The following PIEZO2 variants were observed in gnomAD, a reference collection of about 807,000 sequenced individuals.
PIEZO2 encodes the protein piezo-type mechanosensitive ion channel component 2.
Under a neutral mutation model 337.3 loss-of-function variants are expected in PIEZO2, and 172 were observed. The ratio of observed to expected loss-of-function variants is 0.51; its 90% CI spans 0.45 to 0.58. PIEZO2 has a LOEUF of 0.58. Among genes scored for constraint, PIEZO2 ranks in the 20% least tolerant of loss-of-function variants. The pLI, the probability that PIEZO2 is intolerant of heterozygous loss-of-function variation, is 0.00. For synonymous variants in PIEZO2, 1,251 were observed against 1,228.5 expected, an observed-to-expected ratio of 1.02 and a Z score of -0.38; for missense variants, 3,028 against 3,391.3, an observed-to-expected ratio of 0.89 and a Z score of 2.66.
chr18:11,003,131 G>C lies in PIEZO2; in HGVS notation c.161-23471C>G, dbSNP rs2035605747. Reference sequence around the variant, plus strand: ...TCCCAGGTCTTCCTCCAGCAGGCAGGATGGCACTTGGAGTCTGGGTGATGC... The same window carrying C: ...TCCCAGGTCTTCCTCCAGCAGGCAGCATGGCACTTGGAGTCTGGGTGATGC... On this transcript the variant is annotated intron_variant, in intron 2 of 55. Transcript: ENST00000674853. This position sits in a 1 kb window ranked among gnomAD's most constrained non-coding sequence, Gnocchi z 4.6. Among the ~76,000 whole-genome samples the C allele has an allele frequency of 6.6e-6, 1 of 152,214 alleles. No individual in the cohort carries two copies. Among genetic ancestry groups the C allele is most frequent in the African/African-American group, 2.4e-5 (1 of 41,458 alleles).
chr18:11,085,170 C>T (rs184085987), intron 1 of PIEZO2, among the ~76,000 whole-genome samples: 40 of 152,274 alleles, frequency 2.6e-4, no homozygotes, highest in Admixed American at 3.9e-4. Context: ...CAAGTATTAT[C>T]GGCAGCTAGA....
Position 10,962,436 on chromosome 18 carries a change from T to C in PIEZO2, c.286+17099A>G, listed in dbSNP as rs1214425502. ...CCTGTGAGGGGACAACCCTAAAGCC[T>C]GGGATCCCAGGAGCTGCACGCAGGG... On this transcript the variant is annotated intron_variant, in intron 3 of 55. Coordinates refer to ENST00000674853, the MANE Select transcript of PIEZO2 (RefSeq NM_001378183.1). This position sits in a 1 kb window ranked among gnomAD's most constrained non-coding sequence, Gnocchi z 4.1. Among the ~76,000 whole-genome samples, 1 of 152,150 alleles carries C rather than the reference T, an allele frequency of 6.6e-6. No individual in the cohort carries two copies. Among genetic ancestry groups the C allele is most frequent in the Non-Finnish European group, 1.5e-5 (1 of 68,028 alleles).
At chr18:11,007,928 A>G (rs556549758) in intron 2 of PIEZO2, among the ~76,000 whole-genome samples, 1 of 152,222 alleles carries the variant, frequency 6.6e-6, no homozygotes, top group South Asian at 2.1e-4. Flanking sequence ...AAAGAAGAGC[A>G]CAGAAATGAC....
In PIEZO2 at chr18:11,035,113, G is replaced by C. The variant is rs1384847470; in HGVS notation, c.160+31014C>G. ...ATTTATTACAGAGTGTGTAGAAGGGGATGGAGCTGAGGGCTGCTTCTGACT... is the reference window on the plus strand; with the variant it reads ...ATTTATTACAGAGTGTGTAGAAGGGCATGGAGCTGAGGGCTGCTTCTGACT... On this transcript the variant is annotated intron_variant, in intron 2 of 55. Transcript: ENST00000674853. This position sits in a 1 kb window ranked among gnomAD's most constrained non-coding sequence, Gnocchi z 4.3. 6.6e-6 allele frequency among the ~76,000 whole-genome samples: 1 copy of C among 152,182 alleles called. No homozygotes were observed. Among genetic ancestry groups the C allele is most frequent in the African/African-American group, 2.4e-5 (1 of 41,440 alleles).
chr18:10,902,573 A>C (rs187813653), intron 4 of PIEZO2, among the ~76,000 whole-genome samples: 1 of 152,276 alleles, frequency 6.6e-6, no homozygotes, highest in Admixed American at 6.5e-5. Flanking sequence ...CCTCCCAAAA[A>C]CGTATGAGCC....
intron 2 of PIEZO2, among the ~76,000 whole-genome samples, chr18:11,044,988 A>T (rs896740688): frequency 4.0e-5 from 6 of 151,546 alleles, no homozygotes; most frequent in Admixed American, 2.0e-4. Flanking sequence ...ATTTCTAAAA[A>T]TTTTTTTTAA....
intron 7 of PIEZO2, among the ~76,000 whole-genome samples, chr18:10,842,857 C>A (rs1488844517): frequency 1.3e-5 from 2 of 152,190 alleles, no homozygotes; most frequent in African/African-American, 4.8e-5. Context: ...CAATGAGTAA[C>A]AAGCAAGTTT....
At chr18:10,909,711 TTGTGTA>T (rs1387057004) in intron 4 of PIEZO2, among the ~76,000 whole-genome samples, 1 of 152,224 alleles carries the variant, frequency 6.6e-6, no homozygotes, top group Non-Finnish European at 1.5e-5. Flanking sequence ...ATCTCTATTT[TTGTGTA>T]TGTTTTAGAT....
intron 1 of PIEZO2, among the ~76,000 whole-genome samples, chr18:11,071,708 A>T (rs765026376): frequency 7.2e-5 from 11 of 152,292 alleles, no homozygotes; most frequent in Non-Finnish European, 1.2e-4. Context: ...CAATTCCCAT[A>T]GGAGAAGCAC....
intron 3 of PIEZO2, among the ~76,000 whole-genome samples, chr18:10,917,192 T>C (rs538515958): frequency 6.6e-6 from 1 of 152,162 alleles, no homozygotes; most frequent in East Asian, 1.9e-4. Context: ...TATTTTTTAT[T>C]TCCTCTAATT....
chr18:10,809,925 C>A (rs1173995964), intron 7 of PIEZO2, among the ~76,000 whole-genome samples: 1 of 152,182 alleles, frequency 6.6e-6, no homozygotes, highest in African/African-American at 2.4e-5. Flanking sequence ...AGAAATATCT[C>A]TTCGCTTGAG....
At position 10,702,305 on chromosome 18, in the gene PIEZO2, T is replaced by C. The variant is rs62095569; in HGVS notation, c.6259-134A>G. Reference sequence around the variant, plus strand: ...GTTTTGATGGTAGGCAGGCACATAATTATGTGGAATAGTAACATTATCATT... The same window carrying C: ...GTTTTGATGGTAGGCAGGCACATAACTATGTGGAATAGTAACATTATCATT... On this transcript the variant is annotated intron_variant, in intron 42 of 55. Transcript: ENST00000674853. 182,744 of 780,902 alleles carry C rather than the reference T, an allele frequency of 0.23. 21,747 individuals are homozygous for C. Among genetic ancestry groups the C allele is most frequent in the South Asian group, 0.28 (14,906 of 52,746 alleles). 48.4% of individuals were successfully genotyped at this position (780,902 alleles called of 1,614,324 possible).
intron 4 of PIEZO2, among the ~76,000 whole-genome samples, chr18:10,907,181 G>A (rs552402723): frequency 2.0e-4 from 30 of 152,188 alleles, no homozygotes; most frequent in Admixed American, 4.6e-4. Flanking sequence ...GGTGGTTCAC[G>A]CCTGTAATCC....
Position 10,800,478 on chromosome 18 carries a change from G to A in PIEZO2, c.1240-3C>T. On this transcript the variant is annotated splice_polypyrimidine_tract_variant and splice_region_variant and intron_variant, in intron 10 of 55. Transcript: ENST00000674853. ...CCGTTCACAGTCACCAGCAGGCCCT[G>A]CCGGGAGTGCAGAGAAAGGGACAAC... The A allele has an allele frequency of 6.6e-7, 1 of 1,525,490 alleles. No homozygotes were observed. Among genetic ancestry groups the A allele is most frequent in the Non-Finnish European group, 8.8e-7 (1 of 1,141,896 alleles). 94.5% of individuals were successfully genotyped at this position (1,525,490 alleles called of 1,614,324 possible).
At chr18:11,040,441 T>C (rs2037082652) in intron 2 of PIEZO2, among the ~76,000 whole-genome samples, 1 of 152,240 alleles carries the variant, frequency 6.6e-6, no homozygotes, top group Non-Finnish European at 1.5e-5. Flanking sequence ...GTTTTAACTG[T>C]CATCTTCACT....
Position 10,800,324 on chromosome 18 carries a change from G to C in PIEZO2, c.1378+13C>G. ...GGAAGAAATGCGACCCTGAGTGCAG[G>C]GCTGGCTCCTACCTGAGGATTCATC... On this transcript the variant is annotated intron_variant, in intron 11 of 55. Transcript: ENST00000674853. 1.3e-6 allele frequency: 2 copies of C among 1,532,306 alleles called. No individual in the cohort carries two copies. The highest frequency in any genetic ancestry group is 1.7e-6 in the Non-Finnish European group (2 of 1,144,808). 94.9% of individuals were successfully genotyped at this position (1,532,306 alleles called of 1,614,324 possible). A position where few individuals can be genotyped will look rare whatever the true frequency, so the allele number is the denominator to read the frequency against.
In PIEZO2 at chr18:11,064,026, G is replaced by A. The variant is rs529115597; in HGVS notation, c.160+2101C>T. Among the ~76,000 whole-genome samples, 14 of 149,790 alleles carry A rather than the reference G, an allele frequency of 9.3e-5. No individual in the cohort carries two copies. The East Asian group carries it at 2.5e-3, about 27-fold the overall frequency. On this transcript the variant is annotated intron_variant, in intron 2 of 55. Coordinates refer to ENST00000674853, the MANE Select transcript of PIEZO2 (RefSeq NM_001378183.1). ...AACACTGACACTAATGATATCTGATGAGCAAAAAAAAAAAAGAAAGTCCTC... is the reference window on the plus strand; with the variant it reads ...AACACTGACACTAATGATATCTGATAAGCAAAAAAAAAAAAGAAAGTCCTC...
At chr18:10,695,898 A>G (rs2035058797) in intron 47 of PIEZO2, among the ~76,000 whole-genome samples, 176 bp downstream of exon 47, 1 of 152,220 alleles carries the variant, frequency 6.6e-6, no homozygotes, top group South Asian at 2.1e-4. Flanking sequence ...ATCAGTTCAC[A>G]CTTTGGATTT....
intron 2 of PIEZO2, among the ~76,000 whole-genome samples, chr18:10,983,510 C>T (rs2034748265): frequency 6.6e-6 from 1 of 152,150 alleles, no homozygotes; most frequent in African/African-American, 2.4e-5. Flanking sequence ...CTGGGAGGTC[C>T]TTTCTGTCTC....
Sources: gnomAD v4.1 joint callset for allele counts (sites outside exome capture counted in the v4.1 genomes callset) on GRCh38, gnomAD v4.1.1 for gene constraint, Gnocchi (gnomAD v3.1) non-coding constraint, MANE v1.5 for transcripts, NCBI Gene and HGNC (gene_info 2026-07-23, HGNC 2026-07-21) for gene names.